BBX: variants seen among roughly 807,000 people sequenced by gnomAD.
BBX encodes HMG box transcription factor BBX.
Under a neutral mutation model 100.2 loss-of-function variants are expected in BBX, and 30 were observed. The ratio of observed to expected loss-of-function variants is 0.30; its 90% CI spans 0.22 to 0.41. BBX has a LOEUF of 0.41. Among genes scored for constraint, BBX ranks in the 10% least tolerant of loss-of-function variants. The pLI is 1.00. For missense variants in BBX, 1,023 were observed against 1,129.8 expected (o/e 0.91, Z 1.35); for synonymous variants, 376 against 388.1 (o/e 0.97, Z 0.37).
chr3:107,676,193 T>C (rs796657505), intron 3 of BBX, among the ~76,000 whole-genome samples: 3 of 152,102 alleles, frequency 2.0e-5, no homozygotes, highest in South Asian at 4.1e-4. Flanking sequence ...CTAAGGTAAT[T>C]TAGATAGATG....
chr3:107,785,189 A>T (rs1238844875), intron 13 of BBX, among the ~76,000 whole-genome samples: 2 of 151,462 alleles, frequency 1.3e-5, no homozygotes, highest in Non-Finnish European at 3.0e-5. Context: ...GAAAAAAAAA[A>T]AAAAGCCCAG....
rs1231750109 is a variant in BBX, at chr3:107,789,883, G to A, written c.2293+7G>A. ...CCCAATGTTCCGGAAAAAGGTATTGGTGCCCTCCATCCTCCATGAAGGGTT... is the reference window on the plus strand; with the variant it reads ...CCCAATGTTCCGGAAAAAGGTATTGATGCCCTCCATCCTCCATGAAGGGTT... On this transcript the variant is annotated splice_region_variant and intron_variant, in intron 14 of 17. Transcript: ENST00000325805. 2 of 1,540,970 alleles carry A rather than the reference G, an allele frequency of 1.3e-6. No individual in the cohort carries two copies. Among genetic ancestry groups the A allele is most frequent in the South Asian group, 2.4e-5 (2 of 83,628 alleles).
chr3:107,533,234 A>C (rs1376252977), intron 2 of BBX, among the ~76,000 whole-genome samples: 1 of 152,174 alleles, frequency 6.6e-6, no homozygotes, highest in Non-Finnish European at 1.5e-5. Flanking sequence ...ATCAGGACCT[A>C]AGGGTTTTAA....
intron 2 of BBX, among the ~76,000 whole-genome samples, chr3:107,543,216 CA>C (rs2048988105): frequency 6.6e-6 from 1 of 152,118 alleles, no homozygotes; most frequent in South Asian, 2.1e-4. Context: ...TATAATCTAT[CA>C]TTATAAATTT....
At chr3:107,555,064 G>T (rs562679575) in intron 2 of BBX, among the ~76,000 whole-genome samples, 78 of 148,268 alleles carry the variant, frequency 5.3e-4, no homozygotes, top group Admixed American at 1.4e-3. Flanking sequence ...GCGAAACTCC[G>T]TCTCAAAACA....
chr3:107,721,079 TAA>T (rs895683891), intron 5 of BBX, among the ~76,000 whole-genome samples: 2 of 152,118 alleles, frequency 1.3e-5, no homozygotes, highest in East Asian at 1.9e-4. Flanking sequence ...CTGCTATACC[TAA>T]GTGATTTCCA....
intron 2 of BBX, among the ~76,000 whole-genome samples, chr3:107,626,735 A>G (rs976027280): frequency 1.3e-5 from 2 of 150,718 alleles, no homozygotes; most frequent in Non-Finnish European, 2.9e-5. Flanking sequence ...GCTCACTGCA[A>G]CCTCTACCTC....
At chr3:107,634,550 A>G (rs770975876) in intron 2 of BBX, among the ~76,000 whole-genome samples, 1 of 152,220 alleles carries the variant, frequency 6.6e-6, no homozygotes, top group Non-Finnish European at 1.5e-5. Flanking sequence ...AGTCTATATC[A>G]TAGACAATCT....
At chr3:107,762,751 A>C (rs1159093354) in intron 10 of BBX, among the ~76,000 whole-genome samples, 2 of 152,174 alleles carry the variant, frequency 1.3e-5, no homozygotes, top group Non-Finnish European at 2.9e-5. Context: ...ACTCCTTTAT[A>C]ATAGACAATG....
At chr3:107,566,957 A>G (rs1036433863) in intron 2 of BBX, among the ~76,000 whole-genome samples, 3 of 152,060 alleles carry the variant, frequency 2.0e-5, no homozygotes, top group Non-Finnish European at 4.4e-5. Flanking sequence ...AGTATCTCAC[A>G]GTTTTCTCAG....
intron 10 of BBX, among the ~76,000 whole-genome samples, chr3:107,758,642 G>A (rs1046825661): frequency 3.9e-5 from 6 of 152,040 alleles, no homozygotes; most frequent in Non-Finnish European, 8.8e-5. Flanking sequence ...CCAACCACCC[G>A]AGTACTCTTC....
chr3:107,782,841 A>G (rs1405720489), intron 13 of BBX, among the ~76,000 whole-genome samples: 2 of 151,982 alleles, frequency 1.3e-5, no homozygotes, highest in African/African-American at 4.8e-5. Flanking sequence ...TTTTTTTTTC[A>G]TAAGGAAGCT....
chr3:107,697,741 G>C (rs968721133), intron 3 of BBX, among the ~76,000 whole-genome samples: 3 of 151,782 alleles, frequency 2.0e-5, no homozygotes, highest in Non-Finnish European at 4.4e-5. Context: ...CGAGCTTCCT[G>C]GCTGCTTTGT....
At chr3:107,784,430 A>G (rs939178395) in intron 13 of BBX, among the ~76,000 whole-genome samples, 1 of 151,994 alleles carries the variant, frequency 6.6e-6, no homozygotes, top group Non-Finnish European at 1.5e-5. Flanking sequence ...CAATAAATAT[A>G]AAAGGATTGA....
intron 7 of BBX, among the ~76,000 whole-genome samples, chr3:107,738,744 T>C (rs2063846830): frequency 6.6e-6 from 1 of 152,190 alleles, no homozygotes; most frequent in Non-Finnish European, 1.5e-5. Flanking sequence ...GCTGCACCCT[T>C]ACTGAAGCTC....
intron 2 of BBX, among the ~76,000 whole-genome samples, chr3:107,581,400 T>C (rs2052268910): frequency 6.6e-6 from 1 of 152,028 alleles, no homozygotes; most frequent in African/African-American, 2.4e-5. Context: ...TTATGATTCT[T>C]AAACTTGGAA....
chr3:107,737,898 T>TG (rs1560069951), intron 7 of BBX, among the ~76,000 whole-genome samples: 3 of 141,512 alleles, frequency 2.1e-5, no homozygotes, highest in African/African-American at 7.8e-5. Context: ...TTTTTTTTTT[T>TG]TTTTTTTTTT....
chr3:107,559,141 C>A (rs1186068933), intron 2 of BBX, among the ~76,000 whole-genome samples: 1 of 151,992 alleles, frequency 6.6e-6, no homozygotes, highest in East Asian at 1.9e-4. Flanking sequence ...TGGTTTGAGG[C>A]CAAATAATGG....
chr3:107,600,782 G>A (rs958754046), intron 2 of BBX, among the ~76,000 whole-genome samples: 2 of 152,120 alleles, frequency 1.3e-5, no homozygotes, highest in Admixed American at 6.6e-5. Context: ...CGGAATCTGG[G>A]AAGTAAACCT....
Sources: allele counts gnomAD v4.1 joint callset (sites outside exome capture counted in the v4.1 genomes callset), GRCh38; gene constraint gnomAD v4.1.1; transcripts MANE v1.5; gene names NCBI Gene and HGNC (gene_info 2026-07-23, HGNC 2026-07-21).